Variants in TSPAN9 observed in about 807,000 individuals in gnomAD.
TSPAN9 encodes the protein tetraspanin 9.
Under a neutral mutation model 31.0 loss-of-function variants are expected in TSPAN9, and 16 were observed. The observed-to-expected ratio is 0.52, with a 90% CI of 0.35 to 0.78. The LOEUF is 0.78. TSPAN9 is among the 30% of genes least tolerant of loss of function. TSPAN9 has a pLI of 0.01. For missense variants in TSPAN9, 272 were observed against 312.5 expected, an observed-to-expected ratio of 0.87 and a Z score of 0.98; for synonymous variants, 145 against 121.6, an observed-to-expected ratio of 1.19 and a Z score of -1.27.
intron 2 of TSPAN9, among the ~76,000 whole-genome samples, chr12:3,197,708 GT>G (rs2098367854): frequency 7.1e-6 from 1 of 141,530 alleles, no homozygotes; most frequent in East Asian, 2.1e-4. Context: ...ACCAGCACAG[GT>G]CACCACCAGC....
rs756338611 is a variant in TSPAN9, at chr12:3,280,498, G to A, written c.432+15G>A. ...TCCAGGCTGAGGTGCGGGCTGGGCCGCCCTGGTGGGGCCAGGCAGGGAGGA... is the reference window on the plus strand; with the variant it reads ...TCCAGGCTGAGGTGCGGGCTGGGCCACCCTGGTGGGGCCAGGCAGGGAGGA... On this transcript the variant is annotated intron_variant, in intron 6 of 8. Coordinates refer to ENST00000011898, the MANE Select transcript of TSPAN9 (RefSeq NM_006675.5). This position sits in a 1 kb window ranked among gnomAD's most constrained non-coding sequence, Gnocchi z 4.5. 9 of 1,607,276 alleles carry A rather than the reference G, an allele frequency of 5.6e-6. No individual in the cohort carries two copies. The highest frequency in any genetic ancestry group is 4.2e-6 in the Non-Finnish European group (5 of 1,178,240).
chr12:3,251,705 C>G (rs1862246228), intron 3 of TSPAN9, among the ~76,000 whole-genome samples: 1 of 152,214 alleles, frequency 6.6e-6, no homozygotes, highest in African/African-American at 2.4e-5. Flanking sequence ...GGTTCCAGCA[C>G]CTCTGGCTGC....
intron 2 of TSPAN9, among the ~76,000 whole-genome samples, chr12:3,086,784 A>G (rs923505635): frequency 6.6e-6 from 1 of 152,252 alleles, no homozygotes; most frequent in Non-Finnish European, 1.5e-5. Flanking sequence ...TCTTCAGGTT[A>G]CAAGCAAAAA....
chr12:3,201,106 C>A, intron 2 of TSPAN9, 71 bp from the exon 3 acceptor site: 2 of 1,396,688 alleles, frequency 1.4e-6, no homozygotes, highest in Non-Finnish European at 2.0e-6. Flanking sequence ...TTAAGACCGA[C>A]AAGTGCAATG....
At chr12:3,139,957 C>T (rs1465055912) in intron 2 of TSPAN9, among the ~76,000 whole-genome samples, 1 of 152,242 alleles carries the variant, frequency 6.6e-6, no homozygotes. Flanking sequence ...GCATGGCAAC[C>T]ATCAGCTCCA....
rs371116590 is a variant in TSPAN9, at chr12:3,280,357, C to G, written c.331-25C>G. ...CGAGCTGCGTCCTGGTTCCAACCGT[C>G]TCACTGTGTCCCTCCGCCTGGCAGG... is the stretch of plus-strand genomic sequence containing the variant. On this transcript the variant is annotated intron_variant, in intron 5 of 8. Transcript: ENST00000011898. This position sits in a 1 kb window ranked among gnomAD's most constrained non-coding sequence, Gnocchi z 4.5. 2.9e-5 allele frequency: 47 copies of G among 1,608,248 alleles called. No homozygotes were observed. Among genetic ancestry groups the G allele is most frequent in the Non-Finnish European group, 4.0e-5 (47 of 1,177,530 alleles).
chr12:3,137,362 C>T (rs1440412371), intron 2 of TSPAN9, among the ~76,000 whole-genome samples: 1 of 152,196 alleles, frequency 6.6e-6, no homozygotes, highest in Non-Finnish European at 1.5e-5. Context: ...CACATAAGTG[C>T]CTGCCCCTGG....
chr12:3,234,189 A>G (rs954864191), intron 3 of TSPAN9, among the ~76,000 whole-genome samples: 3 of 152,246 alleles, frequency 2.0e-5, no homozygotes, highest in African/African-American at 7.2e-5. Context: ...CACATTGGCC[A>G]TGCTGTTGAG....
At position 3,269,247 on chromosome 12, in the gene TSPAN9, C is replaced by CCTCT. The variant is rs748610908; in HGVS notation, c.64-9172_64-9171insCTCT. On this transcript the variant is annotated intron_variant, in intron 3 of 8. Transcript: ENST00000011898. ...CCCTCTCTGTGTTCCTGCAGCCTGC[C>CCTCT]CTGTGTTCCTGCAGCCTGCCCTGTG... Among the ~76,000 whole-genome samples the CCTCT allele has an allele frequency of 2.6e-3, 58 of 22,338 alleles. 4 individuals carry two copies. Among genetic ancestry groups the CCTCT allele is most frequent in the Non-Finnish European group, 3.1e-3 (40 of 12,928 alleles). 14.7% of individuals were successfully genotyped at this position (22,338 alleles called of 152,430 possible).
chr12:3,202,279 C>T (rs1480048396), intron 3 of TSPAN9, among the ~76,000 whole-genome samples: 1 of 152,238 alleles, frequency 6.6e-6, no homozygotes, highest in South Asian at 2.1e-4. Context: ...GTCCTGCCCT[C>T]TGGAGGCTGT....
rs1393922474 is a variant in TSPAN9, at chr12:3,279,027, G to A, written c.291G>A (p.Glu97=). The A allele has an allele frequency of 1.9e-6, 3 of 1,614,188 alleles. No homozygotes were observed. The South Asian group carries it at 3.3e-5, about 18-fold the overall frequency. The part of the protein sequence containing the change: ...FIVLLVILLA[E]LILLILFFVY... ...TCCTGTTGGTCATCCTCCTAGCAGA[G>A]CTGATCTTACTCATCCTCTTCTTTG... The change falls in exon 5 of 9, where the codon GAG becomes GAA. Residue 97 remains glutamate (E), a synonymous_variant. Coordinates refer to ENST00000011898, the MANE Select transcript of TSPAN9 (RefSeq NM_006675.5).
chr12:3,081,157 G>A (rs1201520844), intron 1 of TSPAN9, among the ~76,000 whole-genome samples: 1 of 152,238 alleles, frequency 6.6e-6, no homozygotes, highest in East Asian at 1.9e-4. Context: ...ATATACAGCA[G>A]GTGTGCAGTA....
At chr12:3,198,800 C>G in intron 2 of TSPAN9, among the ~76,000 whole-genome samples, 1 of 101,558 alleles carries the variant, frequency 9.8e-6, no homozygotes, top group Non-Finnish European at 2.1e-5. Context: ...ACCACCAGCA[C>G]AGGTCACACC....
Position 3,107,351 on chromosome 12 carries a change from G to T in TSPAN9, c.-18+23632G>T, listed in dbSNP as rs1284719444. ...CTGAGGTCTGCCAGGCGGCACTGCAGGGGGCGGGAGTGGCCTGGAGGCTGA... is the reference window on the plus strand; with the variant it reads ...CTGAGGTCTGCCAGGCGGCACTGCATGGGGCGGGAGTGGCCTGGAGGCTGA... On this transcript the variant is annotated intron_variant, in intron 2 of 8. Transcript: ENST00000011898. This position sits in a 1 kb window ranked among gnomAD's most constrained non-coding sequence, Gnocchi z 4.1. Among the ~76,000 whole-genome samples the T allele has an allele frequency of 6.6e-6, 1 of 152,234 alleles. No individual in the cohort carries two copies. The highest frequency in any genetic ancestry group is 2.4e-5 in the African/African-American group (1 of 41,464).
At position 3,192,626 on chromosome 12, in the gene TSPAN9, G is replaced by A. The variant is rs2098365032; in HGVS notation, c.-17-8551G>A. On this transcript the variant is annotated intron_variant, in intron 2 of 8. Coordinates refer to ENST00000011898, the MANE Select transcript of TSPAN9 (RefSeq NM_006675.5). This position sits in a 1 kb window ranked among gnomAD's most constrained non-coding sequence, Gnocchi z 4.6. ...GGAGCTGTCTGGGAGACAGCCAGGGGGATGACAAGCAGGAGTTGGGGACCT... is the reference window on the plus strand; with the variant it reads ...GGAGCTGTCTGGGAGACAGCCAGGGAGATGACAAGCAGGAGTTGGGGACCT... Among the ~76,000 whole-genome samples the A allele has an allele frequency of 1.3e-5, 2 of 152,278 alleles. No individual in the cohort carries two copies. The highest frequency in any genetic ancestry group is 4.1e-4 in the South Asian group (2 of 4,820).
intron 2 of TSPAN9, among the ~76,000 whole-genome samples, chr12:3,185,629 T>C (rs1048196205): frequency 6.6e-6 from 1 of 152,234 alleles, no homozygotes; most frequent in African/African-American, 2.4e-5. Context: ...CAGCCTGCTG[T>C]GGCTCTACGT....
At chr12:3,209,671 A>C (rs2098377299) in intron 3 of TSPAN9, among the ~76,000 whole-genome samples, 1 of 152,092 alleles carries the variant, frequency 6.6e-6, no homozygotes. Context: ...AAACGTTTCT[A>C]AGCGTGGGCC....
chr12:3,239,947 G>A (rs962406837), intron 3 of TSPAN9, among the ~76,000 whole-genome samples: 2 of 152,100 alleles, frequency 1.3e-5, no homozygotes, highest in African/African-American at 4.8e-5. Flanking sequence ...ACGACCAGAG[G>A]TGCAGAGGAG....
intron 2 of TSPAN9, among the ~76,000 whole-genome samples, chr12:3,164,482 T>G (rs985667434): frequency 6.6e-6 from 1 of 152,250 alleles, no homozygotes; most frequent in Middle Eastern, 3.2e-3. Flanking sequence ...CACTCTGGTC[T>G]TCTTTACTCT....
Sources: gnomAD v4.1 joint callset for allele counts (sites outside exome capture counted in the v4.1 genomes callset) on GRCh38, gnomAD v4.1.1 for gene constraint, Gnocchi (gnomAD v3.1) non-coding constraint, MANE v1.5 for transcripts, NCBI Gene and HGNC (gene_info 2026-07-23, HGNC 2026-07-21) for gene names.